The following GABPB1 variants were observed in gnomAD, a reference collection of about 807,000 sequenced individuals.
The protein encoded by GABPB1 is GA-binding protein subunit beta-1.
GABPB1 carries 15 observed loss-of-function variants against 45.9 expected under a neutral mutation model. The observed-to-expected ratio is 0.33, with a 90% CI of 0.22 to 0.50. The LOEUF (loss-of-function observed/expected upper bound fraction) is 0.50. GABPB1 is among the 20% of genes least tolerant of loss of function. The probability of loss-of-function intolerance (pLI) is 0.98; values close to 1 mark genes in which losing one functional copy is unlikely to be tolerated. For missense variants in GABPB1, 252 were observed against 457.5 expected (o/e 0.55, Z 4.10); for synonymous variants, 143 against 154.4 (o/e 0.93, Z 0.55).
intron 1 of GABPB1, among the ~76,000 whole-genome samples, chr15:50,335,489 G>T (rs1216560937): frequency 6.6e-6 from 1 of 152,138 alleles, no homozygotes; most frequent in African/African-American, 2.4e-5. Flanking sequence ...TTAACTTCCT[G>T]CTTTAGGCTT....
chr15:50,292,846 A>ATGTGTGTG (rs3985830), intron 6 of GABPB1, among the ~76,000 whole-genome samples: 38,186 of 149,618 alleles, frequency 0.26, 5,796 homozygotes, highest in Middle Eastern at 0.35. Flanking sequence ...AAGTGTGTAT[A>ATGTGTGTG]TGTGTGTGTG....
intron 2 of GABPB1, among the ~76,000 whole-genome samples, chr15:50,305,068 A>G (rs2046894645): frequency 6.6e-6 from 1 of 152,206 alleles, no homozygotes; most frequent in South Asian, 2.1e-4. Flanking sequence ...CACAATACAC[A>G]GAGGGAGTAC....
intron 8 of GABPB1, among the ~76,000 whole-genome samples, chr15:50,281,941 C>G (rs778815875): frequency 1.3e-5 from 2 of 151,740 alleles, no homozygotes; most frequent in Non-Finnish European, 2.9e-5. Flanking sequence ...ATCTCAAAAT[C>G]CTGACCTCAA....
At chr15:50,343,705 G>A (rs1186835931) in intron 1 of GABPB1, among the ~76,000 whole-genome samples, 1 of 151,826 alleles carries the variant, frequency 6.6e-6, no homozygotes, top group East Asian at 1.9e-4. Context: ...CGCCTAGCTA[G>A]TTTTTGTATT....
intron 1 of GABPB1, chr15:50,348,875 T>G (rs1478197657): frequency 6.6e-6 from 1 of 152,016 alleles, no homozygotes; most frequent in Non-Finnish European, 1.5e-5. Context: ...AAAAAATTTT[T>G]TTTAAATCAT....
In GABPB1 at chr15:50,282,261, A is replaced by G. The variant is rs1051888048; in HGVS notation, c.1000-3477T>C. ...CATAAAAACACTAATTTAAAAAAAG[A>G]GAGAGAAGAGATATGACCTGGATAT... On this transcript the variant is annotated intron_variant, in intron 8 of 8. Coordinates refer to ENST00000380877, the MANE Select transcript of GABPB1 (RefSeq NM_016654.5). The G allele has an allele frequency of 5.3e-5, 24 of 454,510 alleles. No individual in the cohort carries two copies. The Admixed American group carries it at 5.4e-4, about 10-fold the overall frequency. 28.2% of individuals were successfully genotyped at this position (454,510 alleles called of 1,614,324 possible). A position where few individuals can be genotyped will look rare whatever the true frequency, so the allele number is the denominator to read the frequency against.
chr15:50,354,635 C>G (rs573824340), intron 1 of GABPB1: 2 of 438,430 alleles, frequency 4.6e-6, no homozygotes, highest in Non-Finnish European at 9.1e-6. Context: ...GCGACCCCAT[C>G]GCCACCCCGG....
At chr15:50,312,153 C>T (rs2047153038) in intron 1 of GABPB1, among the ~76,000 whole-genome samples, 2 of 151,834 alleles carry the variant, frequency 1.3e-5, no homozygotes, top group Non-Finnish European at 1.5e-5. Flanking sequence ...GAGACCAGCC[C>T]GGCCAACAGG....
intron 7 of GABPB1, among the ~76,000 whole-genome samples, chr15:50,287,824 CAGA>C (rs574237470): frequency 2.0e-5 from 3 of 152,318 alleles, no homozygotes; most frequent in East Asian, 1.9e-4. Context: ...CAGCTATCAG[CAGA>C]AGATTTCAGC....
At chr15:50,348,511 A>G (rs1410036342) in intron 1 of GABPB1, among the ~76,000 whole-genome samples, 1 of 148,680 alleles carries the variant, frequency 6.7e-6, no homozygotes, top group Non-Finnish European at 1.5e-5. Flanking sequence ...TCGGCCTCCC[A>G]AAGTGCTGGG....
chr15:50,298,746 G>C (rs1221897574), intron 6 of GABPB1, among the ~76,000 whole-genome samples: 3 of 152,180 alleles, frequency 2.0e-5, no homozygotes, highest in Non-Finnish European at 4.4e-5. Context: ...GAGGTGAGGA[G>C]TTCGAGACCA....
rs531109761 is a variant in GABPB1 at position 50,322,402 on chromosome 15, C to T, written c.1-12604G>A. On this transcript the variant is annotated intron_variant, in intron 1 of 8. Coordinates refer to ENST00000380877, the MANE Select transcript of GABPB1 (RefSeq NM_016654.5). ...AAAATACAAAAAAAAAAAAATTAGCCGGGCATGGTGGTGCATGCCTGTAGT... is the reference window on the plus strand; with the variant it reads ...AAAATACAAAAAAAAAAAAATTAGCTGGGCATGGTGGTGCATGCCTGTAGT... Among the ~76,000 whole-genome samples, 7 of 150,902 alleles carry T rather than the reference C, an allele frequency of 4.6e-5. No individual in the cohort carries two copies. The East Asian group carries it at 1.4e-3, about 30-fold the overall frequency.
intron 1 of GABPB1, among the ~76,000 whole-genome samples, chr15:50,321,637 G>C (rs948985360): frequency 6.6e-6 from 1 of 151,662 alleles, no homozygotes; most frequent in African/African-American, 2.4e-5. Context: ...AGGAGGCAGA[G>C]GTTGCAGCGA....
intron 6 of GABPB1, 104 bp from the exon 7 acceptor site, chr15:50,289,772 C>CTT (rs1311235736): frequency 1.3e-6 from 1 of 749,810 alleles, no homozygotes; most frequent in Non-Finnish European, 2.0e-6. Context: ...TCTTTCTTTT[C>CTT]TTTTTTCTTT....
chr15:50,334,389 CTGGA>C, intron 1 of GABPB1, among the ~76,000 whole-genome samples: 2 of 151,888 alleles, frequency 1.3e-5, no homozygotes, highest in South Asian at 4.1e-4. Flanking sequence ...ATGCTACATT[CTGGA>C]TGGTTTTATC....
At chr15:50,292,846 A>ATGTGTGTGTGTGTGTG (rs3985830) in intron 6 of GABPB1, among the ~76,000 whole-genome samples, 2 of 149,718 alleles carry the variant, frequency 1.3e-5, no homozygotes, top group African/African-American at 4.9e-5. Context: ...AAGTGTGTAT[A>ATGTGTGTGTGTGTGTG]TGTGTGTGTG....
chr15:50,286,259 T>C (rs2046149228), intron 7 of GABPB1, 76 bp from the exon 8 acceptor site: 4 of 973,242 alleles, frequency 4.1e-6, no homozygotes, highest in Admixed American at 3.4e-5. Flanking sequence ...CTTGACATTG[T>C]TGATGCTACT....
intron 1 of GABPB1, among the ~76,000 whole-genome samples, chr15:50,339,507 A>G (rs2048273638): frequency 6.6e-6 from 1 of 151,762 alleles, no homozygotes; most frequent in Non-Finnish European, 1.5e-5. Context: ...TTGGAAAAAA[A>G]AAAAAAAACT....
chr15:50,354,644 G>T, intron 1 of GABPB1: 2 of 434,954 alleles, frequency 4.6e-6, no homozygotes, highest in Non-Finnish European at 9.1e-6. Flanking sequence ...TCGCCACCCC[G>T]GGGCTGCCGC....
Sources: gnomAD v4.1 joint callset for allele counts (sites outside exome capture counted in the v4.1 genomes callset) on GRCh38, gnomAD v4.1.1 for gene constraint, MANE v1.5 for transcripts, NCBI Gene and HGNC (gene_info 2026-07-23, HGNC 2026-07-21) for gene names.